Variants in LMF1 observed in about 807,000 individuals in gnomAD.
LMF1 encodes the protein transmembrane protein 112.
Under a neutral mutation model 60.6 loss-of-function variants are expected in LMF1, and 68 were observed. That is an observed-to-expected ratio of 1.12 (90% CI 0.92 to 1.37). The LOEUF is 1.37. Among genes scored for constraint, LMF1 ranks in the 40% most tolerant of loss-of-function variants. The pLI is 0.00. For missense variants in LMF1, 948 were observed against 767.2 expected (o/e 1.24, Z -2.78); for synonymous variants, 418 against 324.7 (o/e 1.29, Z -3.09).
chr16:915,998 G>C (rs1033416201), intron 3 of LMF1, among the ~76,000 whole-genome samples: 9 of 152,198 alleles, frequency 5.9e-5, no homozygotes, highest in African/African-American at 2.2e-4. Flanking sequence ...TGTGCAGGGT[G>C]GGGGCAGCCC....
At chr16:973,574 G>A (rs1302540246), upstream of LMF1, among the ~76,000 whole-genome samples, 5 of 152,186 alleles carry the variant, frequency 3.3e-5, no homozygotes, top group South Asian at 2.1e-4. Flanking sequence ...GGGGTAGGAC[G>A]TTTTCTTTTG....
intron 10 of LMF1, among the ~76,000 whole-genome samples, chr16:866,238 G>A (rs1368740943): frequency 6.6e-6 from 1 of 152,194 alleles, no homozygotes; most frequent in African/African-American, 2.4e-5. Flanking sequence ...TGCTTTAGAT[G>A]ACTTCTTCTG....
At chr16:876,714 C>T (rs1265831219) in intron 6 of LMF1, among the ~76,000 whole-genome samples, 1 of 150,626 alleles carries the variant, frequency 6.6e-6, no homozygotes, top group Non-Finnish European at 1.5e-5. Context: ...GGACCTTGGA[C>T]AGAGGCGGGC....
chr16:894,832 G>T (rs1327616501), intron 4 of LMF1, among the ~76,000 whole-genome samples: 1 of 152,230 alleles, frequency 6.6e-6, no homozygotes, highest in African/African-American at 2.4e-5. Flanking sequence ...GTCGGGCCTG[G>T]CTCCTGGTAC....
intron 2 of LMF1, among the ~76,000 whole-genome samples, chr16:935,563 T>C (rs1343243366): frequency 8.1e-6 from 1 of 123,620 alleles, no homozygotes; most frequent in African/African-American, 3.8e-5. Flanking sequence ...TAGTGACAGC[T>C]GATGAGCTAA....
chr16:915,867 G>A (rs529812376), intron 3 of LMF1, among the ~76,000 whole-genome samples: 3 of 152,170 alleles, frequency 2.0e-5, no homozygotes, highest in East Asian at 1.9e-4. Flanking sequence ...CGTGGGACGC[G>A]GGGGCCGGAG....
At chr16:876,707 C>G (rs1382551657) in intron 6 of LMF1, among the ~76,000 whole-genome samples, 3 of 150,282 alleles carry the variant, frequency 2.0e-5, no homozygotes, top group Non-Finnish European at 4.4e-5. Context: ...GGGCTGAGGA[C>G]CTTGGACAGA....
At chr16:876,852 G>C (rs1467313800) in intron 6 of LMF1, among the ~76,000 whole-genome samples, 1 of 152,120 alleles carries the variant, frequency 6.6e-6, no homozygotes, top group Non-Finnish European at 1.5e-5. Flanking sequence ...TTATCCATTA[G>C]AGGAGGGAAA....
At chr16:884,382 T>A (rs1403830492) in intron 5 of LMF1, among the ~76,000 whole-genome samples, 1 of 152,212 alleles carries the variant, frequency 6.6e-6, no homozygotes, top group African/African-American at 2.4e-5. Flanking sequence ...CAGGAAATAA[T>A]GCAAATGAGA....
chr16:976,916 A>C, intron 1 of LMF1: 6 of 454,148 alleles, frequency 1.3e-5, no homozygotes, highest in South Asian at 9.3e-5. Flanking sequence ...TTCACGGATC[A>C]GGAGGCTCCC....
intron 4 of LMF1, among the ~76,000 whole-genome samples, chr16:894,966 C>T (rs927963748): frequency 2.7e-4 from 41 of 152,202 alleles, no homozygotes; most frequent in African/African-American, 7.7e-4. Flanking sequence ...AGCCCCGGGG[C>T]GGGGTGGGGA....
intron 5 of LMF1, among the ~76,000 whole-genome samples, chr16:888,577 C>G (rs1047600915): frequency 1.3e-5 from 2 of 152,168 alleles, no homozygotes; most frequent in Admixed American, 1.3e-4. Context: ...GCTGCGTGAC[C>G]CCCACATTCA....
intron 2 of LMF1, among the ~76,000 whole-genome samples, chr16:940,115 A>G (rs117666374): frequency 0.077 from 11,751 of 152,170 alleles, 518 homozygotes; most frequent in South Asian, 0.15. Flanking sequence ...CGGAGCCTCC[A>G]GGGGCTGGAA....
At position 954,410 on chromosome 16, in the gene LMF1, G is replaced by T. The variant is rs1250382706; in HGVS notation, c.450C>A (p.Leu150=). The T allele has an allele frequency of 1.9e-6, 3 of 1,612,996 alleles. No individual in the cohort carries two copies. Among genetic ancestry groups the T allele is most frequent in the Non-Finnish European group, 2.5e-6 (3 of 1,179,752 alleles). Residue 150 remains leucine (L), a synonymous_variant, in exon 2 of 11, where the codon CTC becomes CTA. Transcript: ENST00000262301. ...VLITGCANML[L]MAALWGLYMS... ...TGTAGAGGCCCCACAGGGCAGCCAT[G>T]AGAAGCATGTTGGCGCAGCCCGTGA...
Position 854,251 on chromosome 16 carries a change from C to T in LMF1, c.*281G>A, listed in dbSNP as rs555673418. 3.1e-6 allele frequency: 2 copies of T among 641,172 alleles called. No individual in the cohort carries two copies. Among genetic ancestry groups the T allele is most frequent in the Admixed American group, 4.2e-5 (2 of 47,894 alleles). 39.7% of individuals were successfully genotyped at this position (641,172 alleles called of 1,614,324 possible). On this transcript the variant is annotated 3_prime_UTR_variant, in exon 11 of 11. Transcript: ENST00000262301. ...CTCCTGTGGGCGGCACAGCCCCAGG[C>T]TGGGCCTCTGGGAGGAGGGTGGGAT...
intron 10 of LMF1, among the ~76,000 whole-genome samples, chr16:856,858 T>G (rs1310461343): frequency 6.6e-6 from 1 of 152,216 alleles, no homozygotes; most frequent in Non-Finnish European, 1.5e-5. Flanking sequence ...TGGCAACAGC[T>G]GGGCATCTTG....
chr16:964,308 A>G (rs1567331815), intron 1 of LMF1, among the ~76,000 whole-genome samples: 2 of 152,006 alleles, frequency 1.3e-5, no homozygotes, highest in Non-Finnish European at 2.9e-5. Flanking sequence ...AAAAAAAAAA[A>G]AAAAAAGAAT....
chr16:974,095 C>T (rs1236134229), upstream of LMF1, among the ~76,000 whole-genome samples: 1 of 152,150 alleles, frequency 6.6e-6, no homozygotes, highest in Non-Finnish European at 1.5e-5. Flanking sequence ...AAGGCGCTGT[C>T]ACCTGTCGGA....
intron 10 of LMF1, chr16:856,191 C>T (rs2069179754): frequency 4.9e-5 from 17 of 349,472 alleles, no homozygotes; most frequent in South Asian, 3.7e-4. Flanking sequence ...TGCCCACTGC[C>T]CTGGGCCCCA....
Sources: allele counts gnomAD v4.1 joint callset (sites outside exome capture counted in the v4.1 genomes callset), GRCh38; gene constraint gnomAD v4.1.1; transcripts MANE v1.5; gene names NCBI Gene and HGNC (gene_info 2026-07-23, HGNC 2026-07-21).